The following KIF13A variants were observed in gnomAD, a reference collection of about 807,000 sequenced individuals.
KIF13A encodes kinesin family member 13A.
In KIF13A, 79 loss-of-function variants were observed where a neutral mutation model predicts 212.2. The observed-to-expected ratio is 0.37, with a 90% confidence interval of 0.31 to 0.45. The LOEUF is 0.45. Ranked by LOEUF, KIF13A falls within the 20% of genes least tolerant of loss-of-function variation. KIF13A has a pLI of 1.00. For synonymous variants in KIF13A, 789 were observed against 808.6 expected, an observed-to-expected ratio of 0.98 and a Z score of 0.41; for missense variants, 1,901 against 2,209.0, an observed-to-expected ratio of 0.86 and a Z score of 2.79.
intron 2 of KIF13A, among the ~76,000 whole-genome samples, chr6:17,939,957 G>A (rs984664029): frequency 3.3e-5 from 5 of 150,470 alleles, no homozygotes; most frequent in Admixed American, 2.7e-4. Context: ...GGAGAATGGC[G>A]TGAACCTGGG....
intron 13 of KIF13A, 33 bp downstream of exon 13, chr6:17,831,068 C>CA (rs2150371912): frequency 6.3e-7 from 1 of 1,590,818 alleles, no homozygotes; most frequent in East Asian, 2.2e-5. Context: ...AGGAATGAAT[C>CA]TTGATTGCAT....
At chr6:17,800,858 C>T (rs1762417236) in intron 20 of KIF13A, among the ~76,000 whole-genome samples, 1 of 151,970 alleles carries the variant, frequency 6.6e-6, no homozygotes, top group Non-Finnish European at 1.5e-5. Context: ...CTCGGCCTCC[C>T]AAAGTGCTGG....
rs1264256442 is a variant in KIF13A, at chr6:17,837,848, G to A, written c.831-265C>T. Among the ~76,000 whole-genome samples the A allele has an allele frequency of 6.6e-6, 1 of 152,058 alleles. No individual in the cohort carries two copies. Among genetic ancestry groups the A allele is most frequent in the Non-Finnish European group, 1.5e-5 (1 of 68,020 alleles). The stretch of plus-strand genomic sequence containing the variant: ...GGTGCCTGTAATCCCAGCTACTTGG[G>A]AGGCTGAAGCAGGAGAATCTCTGGA... On this transcript the variant is annotated intron_variant, in intron 9 of 38. Transcript: ENST00000259711. This position sits in a 1 kb window ranked among gnomAD's most constrained non-coding sequence, Gnocchi z 5.4.
chr6:17,799,350 C>T lies in KIF13A; in HGVS notation c.2706G>A (p.Thr902=), dbSNP rs767792851. ...CGGGGTCCACCACCGGGGCAGCCACCGTAGACTCACACTGGTCCCAGAATG... is the reference window on the plus strand; with the variant it reads ...CGGGGTCCACCACCGGGGCAGCCACTGTAGACTCACACTGGTCCCAGAATG... ...QYTFWDQCES[T]VAAPVVDPEV... The change falls in exon 22 of 39, where the codon ACG becomes ACA. Residue 902 remains threonine (T), a synonymous_variant. Transcript: ENST00000259711. The surrounding 1 kb of genome is among the most constrained non-coding windows in gnomAD (Gnocchi z 4.4). The T allele has an allele frequency of 7.4e-5, 120 of 1,612,918 alleles. No individual in the cohort carries two copies. Among genetic ancestry groups the T allele is most frequent in the Non-Finnish European group, 9.4e-5 (111 of 1,179,474 alleles).
intron 3 of KIF13A, 60 bp from the exon 4 acceptor site, chr6:17,873,497 G>T: frequency 8.5e-7 from 1 of 1,182,396 alleles, no homozygotes; most frequent in Non-Finnish European, 1.2e-6. Flanking sequence ...GAGTAAATCA[G>T]ACTAAAATAA....
At position 17,856,606 on chromosome 6, in the gene KIF13A, T is replaced by A. The variant is rs1326433428; in HGVS notation, c.221-484A>T. ...CTGAGGATGGATTGACAACTTCAGCTGCTGTTTGTAGATTCACAGGCACCC... is the reference window on the plus strand; with the variant it reads ...CTGAGGATGGATTGACAACTTCAGCAGCTGTTTGTAGATTCACAGGCACCC... On this transcript the variant is annotated intron_variant, in intron 4 of 38. Coordinates refer to ENST00000259711, the MANE Select transcript of KIF13A (RefSeq NM_022113.6). The surrounding 1 kb of genome is among the most constrained non-coding windows in gnomAD (Gnocchi z 4.5). Among the ~76,000 whole-genome samples the A allele has an allele frequency of 1.3e-5, 2 of 152,200 alleles. No individual in the cohort carries two copies. Among genetic ancestry groups the A allele is most frequent in the African/African-American group, 4.8e-5 (2 of 41,454 alleles).
chr6:17,962,981 C>T (rs769097321), intron 2 of KIF13A, among the ~76,000 whole-genome samples: 19 of 152,354 alleles, frequency 1.2e-4, no homozygotes, highest in Non-Finnish European at 2.5e-4. Flanking sequence ...TCCCCTCCCC[C>T]ACTACACTGT....
At chr6:17,815,532 T>C in intron 17 of KIF13A, 1 of 354,970 alleles carries the variant, frequency 2.8e-6, no homozygotes, top group East Asian at 8.3e-5. Context: ...AGCCCTCTAG[T>C]GGCCCTGTTT....
intron 2 of KIF13A, among the ~76,000 whole-genome samples, chr6:17,935,092 T>C (rs1209351932): frequency 6.6e-6 from 1 of 152,200 alleles, no homozygotes; most frequent in Non-Finnish European, 1.5e-5. Flanking sequence ...TTGTGTTATT[T>C]TCACCATTTA....
At chr6:17,960,207 G>A (rs565315158) in intron 2 of KIF13A, among the ~76,000 whole-genome samples, 28 of 152,210 alleles carry the variant, frequency 1.8e-4, no homozygotes, top group African/African-American at 6.3e-4. Flanking sequence ...ATAAAAAAAG[G>A]TTATGAGTCA....
At chr6:17,880,920 A>T (rs1456482523) in intron 3 of KIF13A, among the ~76,000 whole-genome samples, 1 of 152,160 alleles carries the variant, frequency 6.6e-6, no homozygotes, top group Non-Finnish European at 1.5e-5. Flanking sequence ...AGACTTCTTA[A>T]TGCATACAGC....
intron 30 of KIF13A, 56 bp from the exon 31 acceptor site, chr6:17,780,962 G>A: frequency 6.6e-7 from 1 of 1,507,800 alleles, no homozygotes; most frequent in Non-Finnish European, 9.2e-7. Context: ...AGATGTAGCA[G>A]TTTTACAGGA....
At chr6:17,864,011 G>A (rs1040135138) in intron 4 of KIF13A, among the ~76,000 whole-genome samples, 2 of 152,122 alleles carry the variant, frequency 1.3e-5, no homozygotes, top group Non-Finnish European at 2.9e-5. Context: ...AACGTTTTCC[G>A]ACTAGTTTAC....
At chr6:17,911,805 C>A (rs1213975253) in intron 2 of KIF13A, among the ~76,000 whole-genome samples, 1 of 149,322 alleles carries the variant, frequency 6.7e-6, no homozygotes, top group African/African-American at 2.5e-5. Flanking sequence ...CACTATGTAG[C>A]CCAAGCTGGA....
chr6:17,893,778 A>T (rs1485874573), intron 3 of KIF13A, among the ~76,000 whole-genome samples: 1 of 147,994 alleles, frequency 6.8e-6, no homozygotes, highest in African/African-American at 2.5e-5. Context: ...GCAAGTTTGT[A>T]TCATAAATTC....
At chr6:17,817,479 T>C (rs1230840197) in intron 16 of KIF13A, among the ~76,000 whole-genome samples, 2 of 152,216 alleles carry the variant, frequency 1.3e-5, no homozygotes, top group Non-Finnish European at 2.9e-5. Flanking sequence ...TTCAATTTGA[T>C]GAGCTCATCC....
chr6:17,765,154 TATC>T (rs1418320921), intron 38 of KIF13A, among the ~76,000 whole-genome samples: 1 of 152,208 alleles, frequency 6.6e-6, no homozygotes, highest in African/African-American at 2.4e-5. Flanking sequence ...ATAAACCCCT[TATC>T]ATCTAATATG....
At chr6:17,880,033 T>C (rs1488121839) in intron 3 of KIF13A, among the ~76,000 whole-genome samples, 1 of 152,130 alleles carries the variant, frequency 6.6e-6, no homozygotes, top group Non-Finnish European at 1.5e-5. Flanking sequence ...AGTGGCATGG[T>C]CATAGCTCAC....
chr6:17,961,903 T>C lies in KIF13A; in HGVS notation c.146+25151A>G, dbSNP rs972561171. On this transcript the variant is annotated intron_variant, in intron 2 of 38. Coordinates refer to ENST00000259711, the MANE Select transcript of KIF13A (RefSeq NM_022113.6). This position sits in a 1 kb window ranked among gnomAD's most constrained non-coding sequence, Gnocchi z 4.1. ...TTGGCAACATTGTCTATTTTCCACATCTTAAAATTTCAGAATTGGGATACA... is the reference window on the plus strand; with the variant it reads ...TTGGCAACATTGTCTATTTTCCACACCTTAAAATTTCAGAATTGGGATACA... Among the ~76,000 whole-genome samples the C allele has an allele frequency of 7.9e-5, 12 of 152,202 alleles. No homozygotes were observed. Among genetic ancestry groups the C allele is most frequent in the Non-Finnish European group, 1.2e-4 (8 of 68,040 alleles).
Sources: allele counts gnomAD v4.1 joint callset (sites outside exome capture counted in the v4.1 genomes callset), GRCh38; gene constraint gnomAD v4.1.1; non-coding constraint Gnocchi (gnomAD v3.1); transcripts MANE v1.5; gene names NCBI Gene and HGNC (gene_info 2026-07-23, HGNC 2026-07-21).